Variants in GOLM2 observed in about 807,000 individuals in gnomAD.
The protein encoded by GOLM2 is golgi membrane protein 2, also known as protein GOLM2.
Under a neutral mutation model 55.9 loss-of-function variants are expected in GOLM2, and 26 were observed. The observed-to-expected ratio is 0.47, with a 90% CI of 0.34 to 0.65. The LOEUF is 0.65. Among genes scored for constraint, GOLM2 ranks in the 30% least tolerant of loss-of-function variants. The pLI, the probability that GOLM2 is intolerant of heterozygous loss-of-function variation, is 0.01. For missense variants in GOLM2, 486 were observed against 531.8 expected (o/e 0.91, Z 0.85); for synonymous variants, 165 against 194.6 (o/e 0.85, Z 1.27).
Position 44,379,788 on chromosome 15 carries a change from G to T in GOLM2, c.901G>T (p.Asp301Tyr). The T allele has an allele frequency of 4.5e-6, 7 of 1,569,962 alleles. No homozygotes were observed. The highest frequency in any genetic ancestry group is 6.1e-6 in the Non-Finnish European group (7 of 1,140,750). The change falls in exon 7 of 10, where the codon GAT becomes TAT. Residue 301 changes from aspartate to tyrosine, a missense_variant and splice_region_variant. Coordinates refer to ENST00000299957, the MANE Select transcript of GOLM2 (RefSeq NM_138423.4). ...GQPLSPNMPP[D>Y]SHINHNGNPG... ...ACCTCTCTCCCCAAATATGCCTCCA[G>T]GTATGAAGGCTTATGCTTATAATTC...
intron 6 of GOLM2, among the ~76,000 whole-genome samples, chr15:44,361,475 A>G (rs2079238493): frequency 6.6e-6 from 1 of 152,000 alleles, no homozygotes; most frequent in South Asian, 2.1e-4. Context: ...CGACACATAC[A>G]CTCTCCCAAG....
At chr15:44,328,889 CTCT>C (rs2079002858) in intron 3 of GOLM2, 102 bp downstream of exon 3, 3 of 700,256 alleles carry the variant, frequency 4.3e-6, no homozygotes, top group Non-Finnish European at 2.2e-6. Context: ...CCCTTTTTTT[CTCT>C]TCTTTCATTT....
intron 6 of GOLM2, among the ~76,000 whole-genome samples, chr15:44,358,489 A>G (rs1427090093): frequency 6.6e-6 from 1 of 152,240 alleles, no homozygotes; most frequent in Non-Finnish European, 1.5e-5. Flanking sequence ...TAATCAAGAC[A>G]GTATGGTATT....
At chr15:44,397,478 C>CAAAAAAAAAAAAAAAAAAAAAAAAAA (rs1007948393) in intron 8 of GOLM2, among the ~76,000 whole-genome samples, 1 of 32,564 alleles carries the variant, frequency 3.1e-5, no homozygotes, top group Non-Finnish European at 5.6e-5. Context: ...GACTCCGTCT[C>CAAAAAAAAAAAAAAAAAAAAAAAAAA]AAAAAAAAAA....
In GOLM2 at chr15:44,366,595, T is replaced by C. The variant is rs2079287111; in HGVS notation, c.803-13095T>C. ...GCTGCAGTGAACCATGATGACGCCATTGCACTCCAACTTGGTCAACAGAAC... is the reference window on the plus strand; with the variant it reads ...GCTGCAGTGAACCATGATGACGCCACTGCACTCCAACTTGGTCAACAGAAC... On this transcript the variant is annotated intron_variant, in intron 6 of 9. Transcript: ENST00000299957. Among the ~76,000 whole-genome samples the C allele has an allele frequency of 3.9e-5, 6 of 152,194 alleles. No homozygotes were observed. In the South Asian group the frequency reaches 1.2e-3, roughly 32 times the overall value.
intron 8 of GOLM2, among the ~76,000 whole-genome samples, chr15:44,385,350 CCCTCCCTCCCTT>C (rs1031677105): frequency 7.8e-6 from 1 of 129,006 alleles, no homozygotes; most frequent in African/African-American, 2.9e-5. Flanking sequence ...CTTCCTCCCT[CCCTCCCTCCCTT>C]CCTCCCTTCC....
At chr15:44,411,299 AGCTTGGACAACCATGCCTG>A (rs2079637181) in intron 9 of GOLM2, among the ~76,000 whole-genome samples, 1 of 151,858 alleles carries the variant, frequency 6.6e-6, no homozygotes, top group Non-Finnish European at 1.5e-5. Context: ...TGGGATTGCA[AGCTTGGACAACCATGCCTG>A]GCCTGTTTTG....
In GOLM2 at chr15:44,289,134, C is replaced by T; in HGVS notation, c.105C>T (p.Ile35=). 2 of 1,614,190 alleles carry T rather than the reference C, an allele frequency of 1.2e-6. No homozygotes were observed. The highest frequency in any genetic ancestry group is 8.5e-7 in the Non-Finnish European group (1 of 1,180,028). The change falls in exon 1 of 10, where the codon ATC becomes ATT. Residue 35 remains isoleucine (I), a synonymous_variant. Transcript: ENST00000299957. This position sits in a 1 kb window ranked among gnomAD's most constrained non-coding sequence, Gnocchi z 4.8. ...IVVLAFNYWS[I]SSRHVLLQEE... ...TCCTCGCCTTCAACTACTGGAGCAT[C>T]TCCTCCCGCCACGTCCTGCTTCAGG...
chr15:44,409,111 ACT>A, intron 9 of GOLM2, among the ~76,000 whole-genome samples: 1 of 149,584 alleles, frequency 6.7e-6, no homozygotes. Context: ...CCCCATCTCT[ACT>A]CTCTACTAAA....
chr15:44,388,205 C>T (rs1453436293), intron 8 of GOLM2, among the ~76,000 whole-genome samples: 2 of 138,948 alleles, frequency 1.4e-5, no homozygotes, highest in Non-Finnish European at 3.0e-5. Flanking sequence ...ACCTGGGAGG[C>T]GGAGGTTGCA....
chr15:44,315,549 A>G (rs2078903538), intron 1 of GOLM2, among the ~76,000 whole-genome samples: 2 of 152,172 alleles, frequency 1.3e-5, no homozygotes, highest in South Asian at 4.2e-4. Flanking sequence ...TTGCAGGAAG[A>G]AAGATTAAGG....
intron 7 of GOLM2, 145 bp from the exon 8 acceptor site, chr15:44,380,661 C>G: frequency 2.0e-6 from 1 of 504,582 alleles, no homozygotes; most frequent in Non-Finnish European, 3.2e-6. Context: ...TGAGAATAAA[C>G]CTTTAAAAAA....
At chr15:44,395,809 C>T (rs976737136) in intron 8 of GOLM2, among the ~76,000 whole-genome samples, 1 of 151,884 alleles carries the variant, frequency 6.6e-6, no homozygotes, top group African/African-American at 2.4e-5. Context: ...TACTGCACTC[C>T]AGCCTGGCGA....
intron 6 of GOLM2, among the ~76,000 whole-genome samples, chr15:44,341,160 A>G (rs905988418): frequency 2.7e-5 from 4 of 147,682 alleles, no homozygotes; most frequent in Non-Finnish European, 5.9e-5. Flanking sequence ...GGCTCACTGC[A>G]AGCTTTGCCT....
chr15:44,413,049 A>G (rs2079649042), intron 9 of GOLM2, among the ~76,000 whole-genome samples: 1 of 151,880 alleles, frequency 6.6e-6, no homozygotes, highest in Non-Finnish European at 1.5e-5. Context: ...TAACTCCTCA[A>G]TATTTGTGCG....
chr15:44,336,940 A>ATATTTGGC (rs2079061357), intron 4 of GOLM2, among the ~76,000 whole-genome samples: 1 of 152,080 alleles, frequency 6.6e-6, no homozygotes, highest in Non-Finnish European at 1.5e-5. Flanking sequence ...ATAAAAAAAA[A>ATATTTGGC]TATTTGGCTC....
chr15:44,296,968 C>A (rs78873038), intron 1 of GOLM2, among the ~76,000 whole-genome samples: 4,499 of 152,282 alleles, frequency 0.03, 106 homozygotes, highest in East Asian at 0.1. Flanking sequence ...ACTGTAATTT[C>A]TACCTCAAAT....
At chr15:44,299,038 T>G (rs1416532551) in intron 1 of GOLM2, among the ~76,000 whole-genome samples, 1 of 152,118 alleles carries the variant, frequency 6.6e-6, no homozygotes, top group Non-Finnish European at 1.5e-5. Context: ...GAGTTATGTT[T>G]CCACAAACCA....
At chr15:44,378,023 ATT>A (rs1041279750) in intron 6 of GOLM2, among the ~76,000 whole-genome samples, 1 of 149,204 alleles carries the variant, frequency 6.7e-6, no homozygotes, top group African/African-American at 2.4e-5. Flanking sequence ...ATATATATAT[ATT>A]TTTTAAATTA....
Sources: gnomAD v4.1 joint callset for allele counts (sites outside exome capture counted in the v4.1 genomes callset) on GRCh38, gnomAD v4.1.1 for gene constraint, Gnocchi (gnomAD v3.1) non-coding constraint, MANE v1.5 for transcripts, NCBI Gene and HGNC (gene_info 2026-07-23, HGNC 2026-07-21) for gene names.